Variants in PHTF2 observed in about 807,000 individuals in gnomAD.
PHTF2 encodes the protein putative homeodomain transcription factor 2, also known as protein PHTF2.
A neutral mutation model predicts 101.2 loss-of-function variants in PHTF2; 60 were observed. The observed-to-expected ratio is 0.59, with a 90% CI of 0.48 to 0.73. The LOEUF is 0.73. Among genes scored for constraint, PHTF2 ranks in the 30% least tolerant of loss-of-function variants. The pLI is 0.00. For missense variants in PHTF2, 747 were observed against 908.7 expected (o/e 0.82, Z 2.29); for synonymous variants, 311 against 307.3 (o/e 1.01, Z -0.13).
intron 12 of PHTF2, among the ~76,000 whole-genome samples, chr7:77,932,265 A>G (rs976378393): frequency 2.0e-5 from 3 of 152,098 alleles, no homozygotes; most frequent in East Asian, 3.9e-4. Flanking sequence ...AATCAAAGAG[A>G]TACGGAAGAA....
chr7:77,862,605 T>C (rs1191557435), intron 3 of PHTF2, among the ~76,000 whole-genome samples: 3 of 152,224 alleles, frequency 2.0e-5, no homozygotes, highest in Non-Finnish European at 4.4e-5. Flanking sequence ...AGTTCTTTAT[T>C]GAATAAAGCT....
exon 20 of PHTF2, chr7:77,955,290 A>G (rs1173281521): frequency 6.5e-6 from 1 of 153,350 alleles, no homozygotes; most frequent in Middle Eastern, 3.1e-3. Context: ...GAACTCAGCT[A>G]TACACATAAA....
At chr7:77,827,263 T>G (rs557267362) in intron 1 of PHTF2, among the ~76,000 whole-genome samples, 1 of 152,310 alleles carries the variant, frequency 6.6e-6, no homozygotes, top group African/African-American at 2.4e-5. Context: ...CCTAAATAAC[T>G]CGTGTGGCAA....
At chr7:77,818,157 A>G (rs566581862) in intron 1 of PHTF2, among the ~76,000 whole-genome samples, 2 of 150,768 alleles carry the variant, frequency 1.3e-5, no homozygotes, top group Non-Finnish European at 3.0e-5. Flanking sequence ...TATTCTGGCT[A>G]TTAATTCCCT....
chr7:77,821,202 T>C (rs1045247745), intron 1 of PHTF2, among the ~76,000 whole-genome samples: 1 of 152,124 alleles, frequency 6.6e-6, no homozygotes, highest in South Asian at 2.1e-4. Flanking sequence ...TACTGAGAAA[T>C]CTGTTATTAG....
intron 1 of PHTF2, among the ~76,000 whole-genome samples, chr7:77,834,124 A>G (rs1370685157): frequency 1.3e-5 from 2 of 151,956 alleles, no homozygotes; most frequent in Non-Finnish European, 1.5e-5. Context: ...TCCAGCCTGG[A>G]CAACATAGCC....
Position 77,864,385 on chromosome 7 carries a change from C to G in PHTF2, c.147+9551C>G, listed in dbSNP as rs76417909. Among the ~76,000 whole-genome samples, 624 of 152,322 alleles carry G rather than the reference C, an allele frequency of 4.1e-3. 6 individuals carry two copies. Among genetic ancestry groups the G allele is most frequent in the African/African-American group, 0.014 (586 of 41,580 alleles). ...CTTAAACAAAAATTTGACCTTGTCACTTATCTTTTTAACACTCGTCAAAGC... is the reference window on the plus strand; with the variant it reads ...CTTAAACAAAAATTTGACCTTGTCAGTTATCTTTTTAACACTCGTCAAAGC... On this transcript the variant is annotated intron_variant, in intron 3 of 19. Coordinates refer to ENST00000416283, the Ensembl canonical transcript of PHTF2.
At chr7:77,919,478 G>A (rs1347179355) in intron 9 of PHTF2, among the ~76,000 whole-genome samples, 1 of 151,800 alleles carries the variant, frequency 6.6e-6, no homozygotes, top group East Asian at 1.9e-4. Flanking sequence ...ATTTTGTGTG[G>A]GACTAACTTT....
chr7:77,941,693 C>T (rs553226118), intron 15 of PHTF2, among the ~76,000 whole-genome samples: 20 of 152,252 alleles, frequency 1.3e-4, no homozygotes, highest in African/African-American at 4.6e-4. Context: ...CCATTTGCTT[C>T]TCTTTGTTCC....
chr7:77,908,793 T>A, exon 8 of PHTF2: 1 of 1,552,086 alleles, frequency 6.4e-7, no homozygotes. Flanking sequence ...CTTTTTATAG[T>A]TGCTGCAATA....
At chr7:77,834,246 G>A (rs867081587) in intron 1 of PHTF2, among the ~76,000 whole-genome samples, 5 of 147,346 alleles carry the variant, frequency 3.4e-5, no homozygotes, top group African/African-American at 5.1e-5. Flanking sequence ...CTGGGAAGTC[G>A]AAGCTGCCGT....
intron 3 of PHTF2, among the ~76,000 whole-genome samples, chr7:77,861,997 C>T (rs1584515872): frequency 6.7e-6 from 1 of 149,634 alleles, no homozygotes; most frequent in East Asian, 2.0e-4. Context: ...GCGGAGGTTG[C>T]AGTGAGCCAA....
chr7:77,917,129 T>C, intron 9 of PHTF2, among the ~76,000 whole-genome samples: 2 of 152,332 alleles, frequency 1.3e-5, no homozygotes, highest in South Asian at 4.1e-4. Flanking sequence ...ATATTTCTAT[T>C]TTATTCAATT....
chr7:77,891,515 TTTGGTCTAGGTAGC>T (rs140036429), intron 3 of PHTF2, among the ~76,000 whole-genome samples: 3 of 151,812 alleles, frequency 2.0e-5, no homozygotes, highest in African/African-American at 7.3e-5. Flanking sequence ...AAGTATGTTG[TTTGGTCTAGGTAGC>T]TTGGTCTAGG....
At chr7:77,827,264 C>G (rs997565437) in intron 1 of PHTF2, among the ~76,000 whole-genome samples, 1 of 152,126 alleles carries the variant, frequency 6.6e-6, no homozygotes, top group Non-Finnish European at 1.5e-5. Context: ...CTAAATAACT[C>G]GTGTGGCAAG....
chr7:77,888,047 A>T (rs373285147), intron 3 of PHTF2, among the ~76,000 whole-genome samples: 1 of 152,196 alleles, frequency 6.6e-6, no homozygotes, highest in African/African-American at 2.4e-5. Flanking sequence ...TACGTTAATT[A>T]CCTTGGTATA....
chr7:77,919,131 C>A (rs975720351), intron 9 of PHTF2, among the ~76,000 whole-genome samples: 1 of 152,122 alleles, frequency 6.6e-6, no homozygotes, highest in African/African-American at 2.4e-5. Context: ...TTGCTTCTAA[C>A]TGACTGCATG....
intron 1 of PHTF2, among the ~76,000 whole-genome samples, chr7:77,801,858 C>T (rs1021453107): frequency 3.3e-5 from 5 of 152,148 alleles, no homozygotes; most frequent in Non-Finnish European, 5.9e-5. Context: ...ATTTGAATTC[C>T]TATCAGGCTT....
chr7:77,901,873 C>T (rs368625485), exon 7 of PHTF2: 4 of 1,599,400 alleles, frequency 2.5e-6, no homozygotes, highest in Non-Finnish European at 3.4e-6. Context: ...TTACAAGTAA[C>T]ATCAAAGGTC....
Sources: allele counts gnomAD v4.1 joint callset (sites outside exome capture counted in the v4.1 genomes callset), GRCh38; gene constraint gnomAD v4.1.1; transcripts MANE v1.5; gene names NCBI Gene and HGNC (gene_info 2026-07-23, HGNC 2026-07-21).